TMPRSS7: variants seen among roughly 807,000 people sequenced by gnomAD.
TMPRSS7 encodes transmembrane serine protease 7, also known as transmembrane protease serine 7.
In TMPRSS7, 81 loss-of-function variants were observed where a neutral mutation model predicts 95.6. The observed-to-expected ratio is 0.85, with a 90% CI of 0.71 to 1.02. TMPRSS7 has a LOEUF of 1.02. Among genes scored for constraint, TMPRSS7 ranks in the 50% least tolerant of loss-of-function variants. The pLI, the probability that TMPRSS7 is intolerant of heterozygous loss-of-function variation, is 0.00. For missense variants in TMPRSS7, 945 were observed against 955.2 expected (o/e 0.99, Z 0.14); for synonymous variants, 364 against 337.8 (o/e 1.08, Z -0.85).
chr3:112,035,714 T>A (rs912987028), intron 1 of TMPRSS7, among the ~76,000 whole-genome samples: 1 of 152,210 alleles, frequency 6.6e-6, no homozygotes, highest in South Asian at 2.1e-4. Context: ...TCTCCTTAAA[T>A]GAAGCTAAAC....
At chr3:112,051,668 C>CTATCTATCATCTATCT (rs61097993) in intron 9 of TMPRSS7, among the ~76,000 whole-genome samples, 2 of 128,076 alleles carry the variant, frequency 1.6e-5, no homozygotes, top group South Asian at 5.6e-4. Flanking sequence ...ATCTATCTAT[C>CTATCTATCATCTATCT]ATCTATCTAT....
chr3:112,065,336 C>T (rs899006534), intron 12 of TMPRSS7, among the ~76,000 whole-genome samples: 2 of 152,170 alleles, frequency 1.3e-5, no homozygotes, highest in Admixed American at 6.5e-5. Flanking sequence ...GCCACCATGC[C>T]TAGTTTATAC....
At position 112,047,739 on chromosome 3, in the gene TMPRSS7, A is replaced by G; in HGVS notation, c.731A>G (p.Asp244Gly). 8 of 1,610,782 alleles carry G rather than the reference A, an allele frequency of 5.0e-6. No homozygotes were observed. In the Middle Eastern group the frequency reaches 1.2e-3, roughly 233 times the overall value. Residue 244 changes from aspartate to glycine, a missense_variant and splice_region_variant, in exon 7 of 18, where the codon GAC becomes GGC. Transcript: ENST00000452346. The stretch of plus-strand genomic sequence containing the variant: ...AAGGAAAATGGTGCTGTCTCCACAG[A>G]CAAAGGCTGCTCTCAGTACTTCTAT...
At chr3:112,050,292 AT>A (rs2073329106) in intron 8 of TMPRSS7, among the ~76,000 whole-genome samples, 1 of 152,144 alleles carries the variant, frequency 6.6e-6, no homozygotes, top group Non-Finnish European at 1.5e-5. Flanking sequence ...AGAGGTTGAG[AT>A]TATTACAGTT....
chr3:112,070,245 T>G (rs1480063006), intron 13 of TMPRSS7, among the ~76,000 whole-genome samples: 13 of 152,230 alleles, frequency 8.5e-5, no homozygotes, highest in Admixed American at 8.5e-4. Flanking sequence ...GTGCTTTACT[T>G]CCAATTATGT....
chr3:112,043,059 T>C (rs751810040), intron 3 of TMPRSS7: 58 of 455,960 alleles, frequency 1.3e-4, no homozygotes, highest in South Asian at 8.5e-4. Flanking sequence ...GCCTGCTATA[T>C]ACTGGGTACG....
intron 11 of TMPRSS7, among the ~76,000 whole-genome samples, chr3:112,062,562 A>G (rs1398872134): frequency 2.0e-5 from 3 of 152,204 alleles, no homozygotes; most frequent in African/African-American, 4.8e-5. Flanking sequence ...GTCCACAGGG[A>G]TATGACTTGA....
intron 2 of TMPRSS7, among the ~76,000 whole-genome samples, chr3:112,038,565 G>A (rs2073173542): frequency 6.6e-6 from 1 of 152,118 alleles, no homozygotes; most frequent in Non-Finnish European, 1.5e-5. Context: ...TGAACTCCTG[G>A]GCTCAAGCAA....
chr3:112,050,665 T>C lies in TMPRSS7; in HGVS notation c.1091-6T>C, dbSNP rs1302828614. 1 of 1,563,852 alleles carries C rather than the reference T, an allele frequency of 6.4e-7. No individual in the cohort carries two copies. The highest frequency in any genetic ancestry group is 1.9e-5 in the Admixed American group (1 of 53,654). On this transcript the variant is annotated splice_region_variant and splice_polypyrimidine_tract_variant and intron_variant, in intron 8 of 17. Transcript: ENST00000452346. ...ATCATTGTGTGTCACTGGGTATCTT[T>C]TCCAGAGTGTGAAAACACAGTGTTG... is the stretch of plus-strand genomic sequence containing the variant.
intron 5 of TMPRSS7, among the ~76,000 whole-genome samples, chr3:112,046,156 T>C (rs2073275722): frequency 6.6e-6 from 1 of 152,216 alleles, no homozygotes; most frequent in South Asian, 2.1e-4. Context: ...GGGGACAATA[T>C]ACATACGAAA....
At chr3:112,038,319 T>A in exon 2 of TMPRSS7, 2 of 701,472 alleles carry the variant, frequency 2.9e-6, no homozygotes, top group Admixed American at 2.0e-5. Flanking sequence ...TGGCTGTATA[T>A]CAGTAAGTTA....
chr3:112,074,320 T>C (rs752020708), exon 14 of TMPRSS7: 1 of 1,614,070 alleles, frequency 6.2e-7, no homozygotes, highest in East Asian at 2.2e-5. Context: ...AACAGAACTT[T>C]TAAGTGTGGC....
intron 14 of TMPRSS7, 101 bp from the exon 15 acceptor site, chr3:112,075,216 AATTG>A: frequency 5.9e-6 from 7 of 1,193,858 alleles, no homozygotes; most frequent in Non-Finnish European, 7.8e-6. Flanking sequence ...GGAGATTTCA[AATTG>A]CTACCTAGTG....
chr3:112,051,518 TC>T (rs2073348741), intron 9 of TMPRSS7, among the ~76,000 whole-genome samples: 2 of 1,188 alleles, frequency 1.7e-3, no homozygotes, highest in East Asian at 0.011. Flanking sequence ...ATACGAAATA[TC>T]TATCTATCTA....
rs185880246 is a variant in TMPRSS7 at position 112,075,235 on chromosome 3, A to C, written c.1784-86A>C. 14 of 1,319,682 alleles carry C rather than the reference A, an allele frequency of 1.1e-5. No individual in the cohort carries two copies. The African/African-American group carries it at 1.8e-4, about 17-fold the overall frequency. 81.7% of individuals were successfully genotyped at this position (1,319,682 alleles called of 1,614,324 possible). A position where few individuals can be genotyped will look rare whatever the true frequency, so the allele number is the denominator to read the frequency against. ...ATTTCAAATTGCTACCTAGTGAGTC[A>C]GTTCCCAGCCAGCACTAAAACTGGC... On this transcript the variant is annotated intron_variant, in intron 14 of 17. Coordinates refer to ENST00000452346, the Ensembl canonical transcript of TMPRSS7.
chr3:112,041,142 A>C (rs1399337624), intron 2 of TMPRSS7, among the ~76,000 whole-genome samples: 1 of 152,034 alleles, frequency 6.6e-6, no homozygotes, highest in African/African-American at 2.4e-5. Context: ...AAACCAAAAA[A>C]CAACTGTTGT....
intron 12 of TMPRSS7, among the ~76,000 whole-genome samples, 156 bp from the exon 13 acceptor site, chr3:112,066,236 C>T (rs924548368): frequency 1.3e-5 from 2 of 152,228 alleles, no homozygotes; most frequent in Admixed American, 1.3e-4. Context: ...TAAACACCTA[C>T]TTTTCCTCAT....
intron 13 of TMPRSS7, among the ~76,000 whole-genome samples, chr3:112,068,357 G>A (rs998281796): frequency 5.3e-5 from 8 of 152,180 alleles, no homozygotes; most frequent in African/African-American, 9.7e-5. Context: ...CCAGTTCTGC[G>A]AAGAAAGTCA....
At chr3:112,039,094 C>T (rs962917397) in intron 2 of TMPRSS7, among the ~76,000 whole-genome samples, 3 of 152,204 alleles carry the variant, frequency 2.0e-5, no homozygotes, top group Admixed American at 1.3e-4. Flanking sequence ...TCTGTTATTA[C>T]GTGTTTGTTG....
Sources: gnomAD v4.1 joint callset for allele counts (sites outside exome capture counted in the v4.1 genomes callset) on GRCh38, gnomAD v4.1.1 for gene constraint, MANE v1.5 for transcripts, NCBI Gene and HGNC (gene_info 2026-07-23, HGNC 2026-07-21) for gene names.